INPP4B: variants seen among roughly 807,000 people sequenced by gnomAD.
The protein encoded by INPP4B is inositol polyphosphate-4-phosphatase type II B.
Under a neutral mutation model 122.5 loss-of-function variants are expected in INPP4B, and 55 were observed. The ratio of observed to expected loss-of-function variants is 0.45; its 90% CI spans 0.36 to 0.56. The LOEUF (loss-of-function observed/expected upper bound fraction) is 0.56. INPP4B is among the 20% of genes least tolerant of loss of function. The pLI, the probability that INPP4B is intolerant of heterozygous loss-of-function variation, is 0.00. For missense variants in INPP4B, 1,000 were observed against 1,097.7 expected (o/e 0.91, Z 1.26); for synonymous variants, 403 against 388.7 (o/e 1.04, Z -0.43).
At chr4:142,407,630 C>T (rs755634324) in intron 5 of INPP4B, among the ~76,000 whole-genome samples, 1 of 152,062 alleles carries the variant, frequency 6.6e-6, no homozygotes, top group Non-Finnish European at 1.5e-5. Context: ...GTCAGGAAAA[C>T]AATAATAGTT....
intron 25 of INPP4B, among the ~76,000 whole-genome samples, chr4:142,061,306 C>T (rs899576428): frequency 6.6e-6 from 1 of 152,158 alleles, no homozygotes; most frequent in South Asian, 2.1e-4. Flanking sequence ...AGAATCCCTG[C>T]CTTACTTGGC....
chr4:142,218,094 T>C (rs1444054002), intron 12 of INPP4B, among the ~76,000 whole-genome samples: 1 of 151,868 alleles, frequency 6.6e-6, no homozygotes, highest in Non-Finnish European at 1.5e-5. Flanking sequence ...CCCTGACCCA[T>C]ACACTAACTA....
Position 142,220,594 on chromosome 4 carries a change from T to C in INPP4B, c.837-11568A>G, listed in dbSNP as rs143925578. Among the ~76,000 whole-genome samples the C allele has an allele frequency of 4.9e-4, 75 of 152,324 alleles. 1 individual carries two copies. Among genetic ancestry groups the C allele is most frequent in the Middle Eastern group, 6.8e-3 (2 of 294 alleles). ...GTTAAGCGATTCACTCCTGGTCACC[T>C]ACCTAGTGAGTGGCAGAGATGACAT... On this transcript the variant is annotated intron_variant, in intron 12 of 25. Coordinates refer to ENST00000262992, the MANE Select transcript of INPP4B (RefSeq NM_001101669.3).
intron 1 of INPP4B, among the ~76,000 whole-genome samples, chr4:142,836,792 G>A (rs1782836889): frequency 2.0e-5 from 3 of 151,012 alleles, no homozygotes; most frequent in Non-Finnish European, 2.9e-5. Context: ...TTCAACTTTT[G>A]TATGTTAAAA....
chr4:142,030,272 G>A (rs556442454), intron 25 of INPP4B: 193 of 1,535,392 alleles, frequency 1.3e-4, no homozygotes, highest in African/African-American at 1.1e-3. Context: ...CAGGATCATC[G>A]GATTCATTCA....
chr4:142,117,647 T>G (rs1197667346), intron 21 of INPP4B, among the ~76,000 whole-genome samples: 1 of 152,130 alleles, frequency 6.6e-6, no homozygotes, highest in Non-Finnish European at 1.5e-5. Context: ...AAATTAGGTA[T>G]CGATGGGACG....
At chr4:142,725,747 T>C in intron 2 of INPP4B, 92 bp downstream of exon 2, 1 of 394,426 alleles carries the variant, frequency 2.5e-6, no homozygotes, top group South Asian at 1.3e-4. Flanking sequence ...TGATGGGTAA[T>C]TCAATATCTA....
intron 17 of INPP4B, among the ~76,000 whole-genome samples, chr4:142,151,314 AAC>A (rs1222064987): frequency 2.0e-5 from 3 of 152,006 alleles, no homozygotes; most frequent in East Asian, 1.9e-4. Context: ...TCCACACATC[AAC>A]ACACACACAC....
intron 17 of INPP4B, among the ~76,000 whole-genome samples, chr4:142,154,430 G>A (rs1816071070): frequency 6.6e-6 from 1 of 151,992 alleles, no homozygotes; most frequent in Non-Finnish European, 1.5e-5. Context: ...TGTCTATCTT[G>A]AATTTTACCA....
intron 2 of INPP4B, among the ~76,000 whole-genome samples, chr4:142,550,480 G>C (rs899836995): frequency 1.3e-5 from 2 of 151,804 alleles, no homozygotes; most frequent in Admixed American, 1.3e-4. Flanking sequence ...TGAGGTAGGA[G>C]AGTTCAACTT....
At chr4:142,519,375 A>G (rs1024780437) in intron 2 of INPP4B, among the ~76,000 whole-genome samples, 1 of 152,086 alleles carries the variant, frequency 6.6e-6, no homozygotes, top group Non-Finnish European at 1.5e-5. Flanking sequence ...ACATCATTCC[A>G]TTTTCTTACA....
chr4:142,534,840 A>C (rs942260371), intron 2 of INPP4B, among the ~76,000 whole-genome samples: 4 of 152,000 alleles, frequency 2.6e-5, no homozygotes, highest in African/African-American at 7.2e-5. Flanking sequence ...TTTATGACCT[A>C]AGAAGAAAAT....
intron 2 of INPP4B, among the ~76,000 whole-genome samples, chr4:142,515,585 C>G (rs1825317095): frequency 6.6e-6 from 1 of 152,144 alleles, no homozygotes; most frequent in Admixed American, 6.6e-5. Context: ...CATAAGGTAG[C>G]CTTCACACTG....
chr4:142,257,559 T>A (rs1014218639), intron 11 of INPP4B, among the ~76,000 whole-genome samples: 28 of 151,996 alleles, frequency 1.8e-4, no homozygotes, highest in African/African-American at 6.3e-4. Flanking sequence ...TATACACCAA[T>A]AACAGACAAA....
chr4:142,037,630 T>G (rs1744793438), intron 25 of INPP4B, among the ~76,000 whole-genome samples: 1 of 152,192 alleles, frequency 6.6e-6, no homozygotes, highest in South Asian at 2.1e-4. Flanking sequence ...GCTTCAAGTT[T>G]GAAGCTATGG....
At chr4:142,692,911 C>T (rs979787209) in intron 2 of INPP4B, among the ~76,000 whole-genome samples, 2 of 62,310 alleles carry the variant, frequency 3.2e-5, no homozygotes, top group African/African-American at 1.1e-4. Context: ...TTAGGCTAGT[C>T]TCTATAGATA....
chr4:142,251,707 C>T (rs1732150256), intron 11 of INPP4B, among the ~76,000 whole-genome samples: 1 of 152,150 alleles, frequency 6.6e-6, no homozygotes, highest in African/African-American at 2.4e-5. Context: ...AAACATATTG[C>T]TCAATTAAAT....
intron 14 of INPP4B, among the ~76,000 whole-genome samples, chr4:142,195,941 T>C (rs533585786): frequency 3.9e-5 from 6 of 152,322 alleles, no homozygotes; most frequent in Middle Eastern, 6.8e-3. Flanking sequence ...TCCATAATTT[T>C]AGCATCCTCC....
intron 2 of INPP4B, among the ~76,000 whole-genome samples, chr4:142,548,177 T>G (rs954505859): frequency 7.2e-5 from 11 of 152,126 alleles, no homozygotes; most frequent in African/African-American, 2.7e-4. Flanking sequence ...TTGGAAAGCT[T>G]AAATGGTGGA....
Sources: gnomAD v4.1 joint callset for allele counts (sites outside exome capture counted in the v4.1 genomes callset) on GRCh38, gnomAD v4.1.1 for gene constraint, MANE v1.5 for transcripts, NCBI Gene and HGNC (gene_info 2026-07-23, HGNC 2026-07-21) for gene names.